TMEM178B: variants seen among roughly 807,000 people sequenced by gnomAD.
TMEM178B encodes transmembrane protein 178B.
Under a neutral mutation model 31.0 loss-of-function variants are expected in TMEM178B, and 5 were observed. The ratio of observed to expected loss-of-function variants is 0.16; its 90% CI spans 0.08 to 0.34. The LOEUF (loss-of-function observed/expected upper bound fraction) is 0.34, where lower values mean the gene tolerates loss of function less well. Among genes scored for constraint, TMEM178B ranks in the 10% least tolerant of loss-of-function variants. The pLI is 1.00. For synonymous variants in TMEM178B, 164 were observed against 164.0 expected (o/e 1.00, Z 0.00); for missense variants, 275 against 400.3 (o/e 0.69, Z 2.67).
intron 2 of TMEM178B, among the ~76,000 whole-genome samples, chr7:141,395,876 G>A (rs139012117): frequency 7.9e-5 from 12 of 152,170 alleles, no homozygotes; most frequent in Middle Eastern, 3.4e-3. Flanking sequence ...AATAAACAGC[G>A]TCACCCACAA....
At chr7:141,223,214 C>A (rs1025024789) in intron 2 of TMEM178B, among the ~76,000 whole-genome samples, 13 of 152,112 alleles carry the variant, frequency 8.5e-5, no homozygotes, top group African/African-American at 3.1e-4. Flanking sequence ...GAGGGCCCAA[C>A]AATAGGATAA....
intron 1 of TMEM178B, among the ~76,000 whole-genome samples, chr7:141,111,397 G>T (rs1795233082): frequency 6.6e-6 from 1 of 152,166 alleles, no homozygotes; most frequent in Admixed American, 6.5e-5. Flanking sequence ...TTTGGGTGGG[G>T]ACACAGCCAA....
chr7:141,492,224 T>C, the TMEM178B span, among the ~76,000 whole-genome samples: 1 of 152,078 alleles, frequency 6.6e-6, no homozygotes, highest in African/African-American at 2.4e-5. Context: ...CTGCGCACAG[T>C]CTCCCCATTT....
chr7:141,338,786 A>G (rs796830937), intron 2 of TMEM178B, among the ~76,000 whole-genome samples: 21 of 152,258 alleles, frequency 1.4e-4, no homozygotes, highest in African/African-American at 4.8e-4. Context: ...TCCACCTCTC[A>G]CTGTCAAAAC....
At chr7:141,166,911 T>G (rs1359782343) in intron 1 of TMEM178B, among the ~76,000 whole-genome samples, 2 of 152,352 alleles carry the variant, frequency 1.3e-5, no homozygotes, top group Admixed American at 1.3e-4. Context: ...CAAGCATTCA[T>G]TCCCCTTTCT....
the TMEM178B span, among the ~76,000 whole-genome samples, chr7:141,497,796 C>G: frequency 6.6e-6 from 1 of 152,120 alleles, no homozygotes; most frequent in Non-Finnish European, 1.5e-5. Flanking sequence ...TTATTCAAAT[C>G]CTTCTCTTTG....
At chr7:141,180,105 G>A (rs1377137867) in intron 1 of TMEM178B, among the ~76,000 whole-genome samples, 1 of 152,174 alleles carries the variant, frequency 6.6e-6, no homozygotes, top group Non-Finnish European at 1.5e-5. Context: ...GAGAAATGGT[G>A]TTTTTCTTTG....
At chr7:141,267,260 C>T (rs1798108257) in intron 2 of TMEM178B, among the ~76,000 whole-genome samples, 1 of 152,208 alleles carries the variant, frequency 6.6e-6, no homozygotes, top group Non-Finnish European at 1.5e-5. Context: ...GTTTTCCTGT[C>T]TATCCTGACA....
chr7:141,164,799 T>G (rs1796234000), intron 1 of TMEM178B, among the ~76,000 whole-genome samples: 1 of 152,070 alleles, frequency 6.6e-6, no homozygotes, highest in Non-Finnish European at 1.5e-5. Flanking sequence ...GTGTCGTCAT[T>G]AGGGATCTAG....
intron 1 of TMEM178B, among the ~76,000 whole-genome samples, chr7:141,149,447 C>T (rs1194645541): frequency 3.3e-5 from 5 of 152,126 alleles, no homozygotes; most frequent in African/African-American, 1.2e-4. Flanking sequence ...ACTCAGGAGG[C>T]TGAGGCAGAA....
intron 1 of TMEM178B, among the ~76,000 whole-genome samples, chr7:141,087,316 C>T (rs999200923): frequency 6.6e-6 from 1 of 152,072 alleles, no homozygotes; most frequent in African/African-American, 2.4e-5. Context: ...TTGCTTTATT[C>T]CCTTCTGATG....
chr7:141,081,793 A>G (rs1426132014), intron 1 of TMEM178B, among the ~76,000 whole-genome samples: 6 of 152,198 alleles, frequency 3.9e-5, no homozygotes. Context: ...AGTGTACAGT[A>G]TTTATAAGGT....
chr7:141,174,489 G>T (rs545682158), intron 1 of TMEM178B, among the ~76,000 whole-genome samples: 1 of 152,272 alleles, frequency 6.6e-6, no homozygotes, highest in South Asian at 2.1e-4. Context: ...TAATGGGATT[G>T]CTGGGTCAAA....
chr7:141,406,321 C>G (rs1800883432), intron 2 of TMEM178B, among the ~76,000 whole-genome samples: 1 of 152,162 alleles, frequency 6.6e-6, no homozygotes, highest in Admixed American at 6.5e-5. Context: ...AAGTTCCTGC[C>G]TCTTTCCATT....
rs150453348 is a variant in TMEM178B at position 141,279,879 on chromosome 7, A to G, written c.496+67175A>G. ...CCAAGTTATTCACTTCTGGGATCCTAGAAGTCCAAACTCTCAAATAGACTC... is the reference window on the plus strand; with the variant it reads ...CCAAGTTATTCACTTCTGGGATCCTGGAAGTCCAAACTCTCAAATAGACTC... On this transcript the variant is annotated intron_variant, in intron 2 of 3. Transcript: ENST00000565468. Among the ~76,000 whole-genome samples the G allele has an allele frequency of 6.9e-3, 1,045 of 152,340 alleles. 17 individuals carry two copies. The highest frequency in any genetic ancestry group is 0.024 in the African/African-American group (987 of 41,584).
intron 2 of TMEM178B, among the ~76,000 whole-genome samples, chr7:141,295,275 A>G (rs1212768643): frequency 6.6e-6 from 1 of 152,178 alleles, no homozygotes; most frequent in Admixed American, 6.5e-5. Context: ...GCCCTCCACC[A>G]TGGTTAAGTG....
rs1262678650 is a variant in TMEM178B at position 141,074,305 on chromosome 7, G to A, written c.-6G>A. 2 of 1,512,204 alleles carry A rather than the reference G, an allele frequency of 1.3e-6. No homozygotes were observed. The highest frequency in any genetic ancestry group is 1.8e-6 in the Non-Finnish European group (2 of 1,131,210). 93.7% of individuals were successfully genotyped at this position (1,512,204 alleles called of 1,614,324 possible). A position where few individuals can be genotyped will look rare whatever the true frequency, so the allele number is the denominator to read the frequency against. On this transcript the variant is annotated 5_prime_UTR_variant, in exon 1 of 4. Transcript: ENST00000565468. This position sits in a 1 kb window ranked among gnomAD's most constrained non-coding sequence, Gnocchi z 5.1. Reference sequence around the variant, plus strand: ...CATGCCCATGGTGTAGCCGCCAAGCGGAGGCATGGCTGCCGGAAGGTTACT... The same window carrying A: ...CATGCCCATGGTGTAGCCGCCAAGCAGAGGCATGGCTGCCGGAAGGTTACT...
At chr7:141,347,526 T>C (rs148922445) in intron 2 of TMEM178B, among the ~76,000 whole-genome samples, 117 of 152,244 alleles carry the variant, frequency 7.7e-4, no homozygotes, top group African/African-American at 2.4e-3. Flanking sequence ...AGGAGCCACA[T>C]TGTGCAAAAA....
chr7:141,216,482 T>C lies in TMEM178B; in HGVS notation c.496+3778T>C, dbSNP rs534986797. ...GCGCGCGTGTGTGTGTGTGGGTGTG[T>C]GGTGGGGAAGAAGGGTGATCTTTGT... On this transcript the variant is annotated intron_variant, in intron 2 of 3. Transcript: ENST00000565468. 1.9e-3 allele frequency among the ~76,000 whole-genome samples: 228 copies of C among 118,474 alleles called. 9 individuals are homozygous for C. The highest frequency in any genetic ancestry group is 6.6e-3 in the African/African-American group (219 of 33,004). The allele number at this position is 118,474 out of a possible 152,430, so 77.7% of individuals were successfully genotyped here.
Sources: gnomAD v4.1 joint callset for allele counts (sites outside exome capture counted in the v4.1 genomes callset) on GRCh38, gnomAD v4.1.1 for gene constraint, Gnocchi (gnomAD v3.1) non-coding constraint, MANE v1.5 for transcripts, NCBI Gene and HGNC (gene_info 2026-07-23, HGNC 2026-07-21) for gene names.